DLC1: variants seen among roughly 807,000 people sequenced by gnomAD.
DLC1 encodes the protein rho GTPase-activating protein 7.
DLC1 carries 54 observed loss-of-function variants against 140.3 expected under a neutral mutation model. The observed-to-expected ratio is 0.38, with a 90% CI of 0.31 to 0.48. The LOEUF is 0.48. DLC1 is among the 20% of genes least tolerant of loss of function. The pLI is 0.96. For synonymous variants in DLC1, 986 were observed against 728.1 expected (o/e 1.35, Z -5.70); for missense variants, 2,536 against 1,907.0 (o/e 1.33, Z -6.14).
intron 2 of DLC1, among the ~76,000 whole-genome samples, chr8:13,442,954 C>T (rs989080321): frequency 1.3e-5 from 2 of 152,022 alleles, no homozygotes; most frequent in Non-Finnish European, 2.9e-5. Context: ...GGAACCAACC[C>T]AAATGTCCAA....
chr8:13,566,798 C>A, intron 1 of DLC1: 1 of 697,024 alleles, frequency 1.4e-6, no homozygotes, highest in East Asian at 3.0e-5. Flanking sequence ...AAAGGCGGGA[C>A]GCCGCATGGT....
chr8:13,329,287 T>G (rs993473176), intron 4 of DLC1, among the ~76,000 whole-genome samples: 7 of 152,176 alleles, frequency 4.6e-5, no homozygotes, highest in African/African-American at 1.4e-4. Context: ...GCTTTCCAAT[T>G]TTTTCACGTC....
chr8:13,296,670 A>T (rs1230648908), intron 5 of DLC1, among the ~76,000 whole-genome samples: 2 of 152,118 alleles, frequency 1.3e-5, no homozygotes, highest in African/African-American at 2.4e-5. Context: ...TCTGTGCAAG[A>T]TATCACATGG....
At chr8:13,391,455 T>C (rs71522341) in intron 4 of DLC1, among the ~76,000 whole-genome samples, 18 of 152,196 alleles carry the variant, frequency 1.2e-4, no homozygotes, top group Non-Finnish European at 2.5e-4. Flanking sequence ...TTCTGTTCAA[T>C]AATTGATTTA....
rs147790146 is a variant in DLC1, at chr8:13,299,854, A to G, written c.1348+5415T>C. Among the ~76,000 whole-genome samples, 12 of 152,282 alleles carry G rather than the reference A, an allele frequency of 7.9e-5. 1 individual carries two copies. Among genetic ancestry groups the G allele is most frequent in the African/African-American group, 2.9e-4 (12 of 41,554 alleles). ...AAGAGAAGTCAACAGTGACTCCCAGAAGCTGGAGAAGACACAGTGGCGATT... is the reference window on the plus strand; with the variant it reads ...AAGAGAAGTCAACAGTGACTCCCAGGAGCTGGAGAAGACACAGTGGCGATT... On this transcript the variant is annotated intron_variant, in intron 5 of 17. Coordinates refer to ENST00000276297, the MANE Select transcript of DLC1 (RefSeq NM_182643.3).
intron 1 of DLC1, among the ~76,000 whole-genome samples, chr8:13,596,759 A>G (rs1805693258): frequency 1.3e-5 from 2 of 152,008 alleles, no homozygotes; most frequent in Non-Finnish European, 2.9e-5. Context: ...CACACATAAG[A>G]CTTCACACAA....
intron 5 of DLC1, among the ~76,000 whole-genome samples, chr8:13,131,908 C>T (rs1822128549): frequency 6.6e-6 from 1 of 152,106 alleles, no homozygotes; most frequent in Non-Finnish European, 1.5e-5. Flanking sequence ...CGCTCGCGGA[C>T]GCAGCAAACT....
intron 1 of DLC1, among the ~76,000 whole-genome samples, chr8:13,529,953 A>G (rs905846422): frequency 1.3e-5 from 2 of 152,230 alleles, no homozygotes; most frequent in African/African-American, 2.4e-5. Context: ...ACATGTAAGC[A>G]TTAGTTTAAT....
At position 13,462,208 on chromosome 8, in the gene DLC1, C is replaced by G. The variant is rs138736547; in HGVS notation, c.1023+36841G>C. ...TTATTTTGTACAAATTCTATCCAAA[C>G]TCATTCAAGAAAATTTTTATTGAAA... On this transcript the variant is annotated intron_variant, in intron 2 of 17. Transcript: ENST00000276297. Among the ~76,000 whole-genome samples the G allele has an allele frequency of 8.5e-5, 13 of 152,200 alleles. 1 individual carries two copies. The Middle Eastern group carries it at 0.014, about 159-fold the overall frequency.
chr8:13,298,813 C>G (rs940099658), intron 5 of DLC1, among the ~76,000 whole-genome samples: 1 of 152,120 alleles, frequency 6.6e-6, no homozygotes, highest in Non-Finnish European at 1.5e-5. Flanking sequence ...ACATCTGCAT[C>G]AAGCAATATA....
chr8:13,233,255 A>G (rs1829129706), intron 5 of DLC1, among the ~76,000 whole-genome samples: 1 of 141,960 alleles, frequency 7.0e-6, no homozygotes, highest in South Asian at 2.4e-4. Context: ...AGATCATGCC[A>G]CTACACTCCA....
rs141133123 is a variant in DLC1 at position 13,318,760 on chromosome 8, A to G, written c.1315-13458T>C. On this transcript the variant is annotated intron_variant, in intron 4 of 17. Coordinates refer to ENST00000276297, the MANE Select transcript of DLC1 (RefSeq NM_182643.3). ...GGAAACATTAACACAAAGGTAAGCCATGGACACATTTTCCCTTTCTACATG... is the reference window on the plus strand; with the variant it reads ...GGAAACATTAACACAAAGGTAAGCCGTGGACACATTTTCCCTTTCTACATG... 2.5e-3 allele frequency among the ~76,000 whole-genome samples: 375 copies of G among 152,368 alleles called. 4 individuals carry two copies. Among genetic ancestry groups the G allele is most frequent in the Admixed American group, 6.0e-3 (92 of 15,310 alleles).
chr8:13,521,898 T>C (rs1325591001), intron 1 of DLC1, among the ~76,000 whole-genome samples: 1 of 152,214 alleles, frequency 6.6e-6, no homozygotes, highest in Non-Finnish European at 1.5e-5. Flanking sequence ...ATTACTATGT[T>C]CATAACACCA....
rs377236377 is a variant in DLC1, at chr8:13,474,413, G to T, written c.1023+24636C>A. The stretch of plus-strand genomic sequence containing the variant: ...GGTGAGGCCCTCCTGGAGAACTTCT[G>T]CTAGGGCAGTGCAGAAGGAAAATGT... On this transcript the variant is annotated intron_variant, in intron 2 of 17. Transcript: ENST00000276297. Among the ~76,000 whole-genome samples the T allele has an allele frequency of 2.0e-5, 3 of 152,322 alleles. No individual in the cohort carries two copies. The South Asian group carries it at 6.2e-4, about 32-fold the overall frequency.
At chr8:13,117,123 T>C (rs1194062768) in intron 5 of DLC1, among the ~76,000 whole-genome samples, 1 of 152,202 alleles carries the variant, frequency 6.6e-6, no homozygotes, top group African/African-American at 2.4e-5. Context: ...AGACACTTCC[T>C]AGAAAACTAT....
intron 5 of DLC1, among the ~76,000 whole-genome samples, chr8:13,293,999 C>A (rs139653583): frequency 2.0e-3 from 302 of 152,208 alleles, no homozygotes; most frequent in South Asian, 0.012. Flanking sequence ...TCAGGATATA[C>A]CTAGTTCTAG....
intron 2 of DLC1, among the ~76,000 whole-genome samples, chr8:13,466,861 C>T (rs541400727): frequency 9.2e-5 from 14 of 151,908 alleles, no homozygotes; most frequent in African/African-American, 2.9e-4. Context: ...AATGAGGTAC[C>T]GTTTTACACC....
At chr8:13,390,568 G>T (rs1449956470) in intron 4 of DLC1, among the ~76,000 whole-genome samples, 1 of 152,154 alleles carries the variant, frequency 6.6e-6, no homozygotes, top group Non-Finnish European at 1.5e-5. Flanking sequence ...TTCCACAATG[G>T]TTGAACTAAT....
At chr8:13,300,946 C>T (rs1054101452) in intron 5 of DLC1, among the ~76,000 whole-genome samples, 2 of 152,108 alleles carry the variant, frequency 1.3e-5, no homozygotes, top group African/African-American at 4.8e-5. Context: ...TGAAGGCCTG[C>T]ATGGAAGCAG....
Sources: gnomAD v4.1 joint callset for allele counts (sites outside exome capture counted in the v4.1 genomes callset) on GRCh38, gnomAD v4.1.1 for gene constraint, MANE v1.5 for transcripts, NCBI Gene and HGNC (gene_info 2026-07-23, HGNC 2026-07-21) for gene names.